Variants in MTIF3 observed in about 807,000 individuals in gnomAD.
MTIF3 encodes the protein translation initiation factor IF-3, mitochondrial.
In MTIF3, 13 loss-of-function variants were observed where a neutral mutation model predicts 20.7. The ratio of observed to expected loss-of-function variants is 0.63; its 90% CI spans 0.41 to 1.00. The LOEUF (loss-of-function observed/expected upper bound fraction) is 1.00, where lower values mean the gene tolerates loss of function less well. MTIF3 is among the 50% of genes least tolerant of loss of function. MTIF3 has a pLI of 0.00. For missense variants in MTIF3, 295 were observed against 324.5 expected (o/e 0.91, Z 0.70); for synonymous variants, 114 against 112.5 (o/e 1.01, Z -0.08).
At chr13:27,439,440 G>T (rs939394450) in intron 3 of MTIF3, among the ~76,000 whole-genome samples, 5 of 152,196 alleles carry the variant, frequency 3.3e-5, no homozygotes, top group Admixed American at 3.3e-4. Context: ...AGGTTGCAGT[G>T]AGCACACATC....
At position 27,440,321 on chromosome 13, in the gene MTIF3, G is replaced by A. The variant is rs919952158; in HGVS notation, c.128C>T (p.Ala43Val). The change falls in exon 3 of 5, where the codon GCC (alanine) becomes GTC (valine). Residue 43 changes from alanine to valine, a missense_variant. Physicochemically the swap from Ala to Val is moderately conservative, Grantham distance 64. Coordinates refer to ENST00000381120, the MANE Select transcript of MTIF3 (RefSeq NM_152912.5). Reference protein sequence around the residue: ...APAQLSPIASAPRLSFLIHAK... With the variant: ...APAQLSPIASVPRLSFLIHAK... ...ATGAATTAGGAAGGAGAGTCTTGGG[G>A]CAGAAGCAATAGGGGACAACTGTGC... The A allele has an allele frequency of 6.2e-7, 1 of 1,614,184 alleles. No individual in the cohort carries two copies. Among genetic ancestry groups the A allele is most frequent in the East Asian group, 2.2e-5 (1 of 44,890 alleles).
At chr13:27,437,444 G>A (rs1476379926) in intron 3 of MTIF3, among the ~76,000 whole-genome samples, 171 bp from the exon 4 acceptor site, 1 of 152,174 alleles carries the variant, frequency 6.6e-6, no homozygotes, top group African/African-American at 2.4e-5. Flanking sequence ...TACACATAAA[G>A]GTACCAATTT....
intron 1 of MTIF3, among the ~76,000 whole-genome samples, chr13:27,448,311 C>G (rs1325156802): frequency 6.6e-6 from 1 of 152,206 alleles, no homozygotes; most frequent in Non-Finnish European, 1.5e-5. Flanking sequence ...GAGATTGGAT[C>G]AAAGTTGCAT....
At chr13:27,441,250 C>T (rs1924074) in intron 2 of MTIF3, 1 of 152,198 alleles carries the variant, frequency 6.6e-6, no homozygotes, top group South Asian at 2.1e-4. Context: ...CATCTTAGGG[C>T]TTTATTTATG....
chr13:27,449,757 C>G (rs1406935889), intron 1 of MTIF3: 1 of 152,282 alleles, frequency 6.6e-6, no homozygotes, highest in Non-Finnish European at 1.5e-5. Flanking sequence ...TTATTCGTTA[C>G]TGTGTTGTGC....
At chr13:27,439,357 G>A (rs986490708) in intron 3 of MTIF3, among the ~76,000 whole-genome samples, 2 of 152,146 alleles carry the variant, frequency 1.3e-5, no homozygotes, top group Non-Finnish European at 2.9e-5. Flanking sequence ...TTAGCCGGGC[G>A]TGGTGGCGGG....
chr13:27,442,291 A>AC (rs1954031715), intron 2 of MTIF3, among the ~76,000 whole-genome samples: 1 of 152,100 alleles, frequency 6.6e-6, no homozygotes. Flanking sequence ...CTACCGTTCA[A>AC]CCAGTATAAC....
At chr13:27,438,321 A>C (rs1433648529) in intron 3 of MTIF3, among the ~76,000 whole-genome samples, 1 of 11,378 alleles carries the variant, frequency 8.8e-5, no homozygotes, top group Non-Finnish European at 4.1e-4. Context: ...CCATCTCTAC[A>C]AAAAAAAAAA....
At chr13:27,449,669 TAC>T (rs1954295329) in intron 1 of MTIF3, among the ~76,000 whole-genome samples, 1 of 152,244 alleles carries the variant, frequency 6.6e-6, no homozygotes, top group Non-Finnish European at 1.5e-5. Flanking sequence ...TCATTACAAT[TAC>T]AGTTTTGTGA....
intron 2 of MTIF3, among the ~76,000 whole-genome samples, chr13:27,442,240 C>T (rs1477099800): frequency 6.6e-6 from 1 of 152,176 alleles, no homozygotes; most frequent in African/African-American, 2.4e-5. Flanking sequence ...CCAACGTTAT[C>T]CTTGACTCTT....
At chr13:27,436,690 T>C (rs897834531) in intron 4 of MTIF3, among the ~76,000 whole-genome samples, 3 of 151,334 alleles carry the variant, frequency 2.0e-5, no homozygotes, top group African/African-American at 7.3e-5. Context: ...GCTGTTAACA[T>C]CACTGGGTGG....
At position 27,439,684 on chromosome 13, in the gene MTIF3, A is replaced by G. The variant is rs576027456; in HGVS notation, c.460+305T>C. 2.0e-5 allele frequency among the ~76,000 whole-genome samples: 3 copies of G among 152,236 alleles called. No individual in the cohort carries two copies. In the South Asian group the frequency reaches 6.2e-4, roughly 32 times the overall value. On this transcript the variant is annotated intron_variant, in intron 3 of 4. Transcript: ENST00000381120. ...ACTCAGCTTGCTGCGGCATTGGGAG[A>G]AGGCCACAGGACAGGGGAAAGAGTT...
intron 4 of MTIF3, 95 bp downstream of exon 4, chr13:27,437,021 G>A (rs74811644): frequency 0.16 from 217,363 of 1,318,100 alleles, 19,641 homozygotes; most frequent in Non-Finnish European, 0.18. Context: ...AAAATGCTGG[G>A]ATTACAGGCG....
Position 27,440,289 on chromosome 13 carries a change from C to G in MTIF3, c.160G>C (p.Ala54Pro). ...PRLSFLIHAK[A>P]FSTAEDTQNE... ...TGGGTGTCTTCAGCGGTACTAAAGG[C>G]TTTTGCATGAATTAGGAAGGAGAGT... Residue 54 changes from alanine to proline, a missense_variant, in exon 3 of 5, where the codon GCC (alanine) becomes CCC (proline). By Grantham distance (27) the Ala-to-Pro change is conservative. Coordinates refer to ENST00000381120, the MANE Select transcript of MTIF3 (RefSeq NM_152912.5). 6.2e-7 allele frequency: 1 copy of G among 1,614,084 alleles called. No homozygotes were observed.
intron 2 of MTIF3, chr13:27,441,233 C>T (rs551709946): frequency 1.3e-5 from 2 of 152,256 alleles, no homozygotes; most frequent in African/African-American, 2.4e-5. Context: ...ACTCCAAAAG[C>T]GAGTGTCATC....
chr13:27,436,745 A>ATTTTTTTTTTTTTTTTTTTTTTTTTTTT (rs66903644), intron 4 of MTIF3, among the ~76,000 whole-genome samples: 1 of 90,192 alleles, frequency 1.1e-5, no homozygotes, highest in Non-Finnish European at 2.0e-5. Flanking sequence ...ATTTTCTACA[A>ATTTTTTTTTTTTTTTTTTTTTTTTTTTT]TTTTTTTTTT....
intron 2 of MTIF3, among the ~76,000 whole-genome samples, chr13:27,442,357 A>G (rs1398117661): frequency 6.6e-6 from 1 of 152,090 alleles, no homozygotes; most frequent in Non-Finnish European, 1.5e-5. Context: ...GCGCCGCTCA[A>G]CTGCATCACA....
intron 1 of MTIF3, among the ~76,000 whole-genome samples, chr13:27,447,215 A>AAG (rs57774087): frequency 1.3e-4 from 19 of 151,136 alleles, no homozygotes; most frequent in Middle Eastern, 3.4e-3. Context: ...AAAAAAAAAA[A>AAG]GATGAACTTT....
At position 27,437,289 on chromosome 13, in the gene MTIF3, T is replaced by C. The variant is rs1177753953; in HGVS notation, c.461-16A>G. ...AGGGTTGGTCCTGGTTTGAAACAGA[T>C]AGGGTGCAAGGACTACTGACTAGTC... is the stretch of plus-strand genomic sequence containing the variant. On this transcript the variant is annotated splice_polypyrimidine_tract_variant and intron_variant, in intron 3 of 4. Coordinates refer to ENST00000381120, the MANE Select transcript of MTIF3 (RefSeq NM_152912.5). 6.8e-6 allele frequency: 11 copies of C among 1,611,856 alleles called. No individual in the cohort carries two copies. The African/African-American group carries it at 1.2e-4, about 18-fold the overall frequency.
Sources: gnomAD v4.1 joint callset for allele counts (sites outside exome capture counted in the v4.1 genomes callset) on GRCh38, gnomAD v4.1.1 for gene constraint, MANE v1.5 for transcripts, NCBI Gene and HGNC (gene_info 2026-07-23, HGNC 2026-07-21) for gene names.